IFNG-AS1: variants seen among roughly 807,000 people sequenced by gnomAD.
IFNG-AS1 encodes the protein IFNG antisense RNA 1 (non-protein coding).
chr12:67,993,887 A>G (rs1052003945), intron 1 of IFNG-AS1, among the ~76,000 whole-genome samples: 1 of 152,196 alleles, frequency 6.6e-6, no homozygotes, highest in African/African-American at 2.4e-5. Flanking sequence ...TTCCACATAT[A>G]TTTCTTAAAC....
At chr12:68,001,368 C>A in intron 2 of IFNG-AS1, 1 of 195,420 alleles carries the variant, frequency 5.1e-6, no homozygotes, top group South Asian at 1.0e-4. Context: ...CAGCATGAAT[C>A]TGAGTGCCAT....
chr12:68,006,032 C>G (rs1016162414), intron 2 of IFNG-AS1: 1 of 152,244 alleles, frequency 6.6e-6, no homozygotes, highest in Non-Finnish European at 1.5e-5. Flanking sequence ...CAAACTTAAT[C>G]CAGTAACCAT....
intron 3 of IFNG-AS1, among the ~76,000 whole-genome samples, chr12:68,012,969 A>C (rs1880067674): frequency 6.6e-6 from 1 of 152,214 alleles, no homozygotes; most frequent in African/African-American, 2.4e-5. Flanking sequence ...GAGAGAGGTT[A>C]AATAGCATGA....
intron 2 of IFNG-AS1, among the ~76,000 whole-genome samples, chr12:68,003,608 G>A (rs926322975): frequency 3.9e-5 from 6 of 152,096 alleles, no homozygotes; most frequent in East Asian, 1.9e-4. Flanking sequence ...CCTCCCTTGC[G>A]CTAAAGCTTA....
At chr12:67,990,133 C>G (rs988902955) in intron 1 of IFNG-AS1, among the ~76,000 whole-genome samples, 3 of 152,296 alleles carry the variant, frequency 2.0e-5, no homozygotes, top group Non-Finnish European at 4.4e-5. Flanking sequence ...TGCATAATTA[C>G]TGCTAACACT....
chr12:67,993,635 T>C (rs997747758), intron 1 of IFNG-AS1, among the ~76,000 whole-genome samples: 1 of 152,206 alleles, frequency 6.6e-6, no homozygotes, highest in Admixed American at 6.5e-5. Context: ...TTTCTGATTT[T>C]CCAATAGTTC....
intron 2 of IFNG-AS1, among the ~76,000 whole-genome samples, chr12:67,996,669 C>T (rs1033159591): frequency 6.6e-6 from 1 of 152,144 alleles, no homozygotes; most frequent in Non-Finnish European, 1.5e-5. Flanking sequence ...CAAATGGAAG[C>T]TAGCAGAAAA....
chr12:68,011,550 A>T (rs1880027909), intron 3 of IFNG-AS1, among the ~76,000 whole-genome samples: 1 of 152,232 alleles, frequency 6.6e-6, no homozygotes, highest in Admixed American at 6.5e-5. Context: ...TCTTGAGATG[A>T]TGTTCCAGCA....
intron 2 of IFNG-AS1, among the ~76,000 whole-genome samples, chr12:68,002,233 G>A (rs557306225): frequency 3.0e-4 from 46 of 152,304 alleles, no homozygotes; most frequent in African/African-American, 8.9e-4. Flanking sequence ...CTCCTAAACC[G>A]GCAAATGCAC....
intron 3 of IFNG-AS1, among the ~76,000 whole-genome samples, chr12:68,010,070 C>G (rs1375984637): frequency 6.6e-6 from 1 of 152,202 alleles, no homozygotes; most frequent in Non-Finnish European, 1.5e-5. Flanking sequence ...ATGTTTACCA[C>G]TACACCCAAG....
intron 1 of IFNG-AS1, among the ~76,000 whole-genome samples, chr12:67,991,406 A>G (rs1297269235): frequency 6.6e-6 from 1 of 152,096 alleles, no homozygotes; most frequent in Non-Finnish European, 1.5e-5. Context: ...GGCAGAACCT[A>G]AGAAGGTAGA....
At chr12:67,993,801 ACTTTC>A (rs1474868138) in intron 1 of IFNG-AS1, among the ~76,000 whole-genome samples, 1 of 152,148 alleles carries the variant, frequency 6.6e-6, no homozygotes, top group Non-Finnish European at 1.5e-5. Context: ...TTTTCTTTTG[ACTTTC>A]CTTTTATTTT....
chr12:68,002,995 G>C (rs1289645776), intron 2 of IFNG-AS1, among the ~76,000 whole-genome samples: 1 of 152,168 alleles, frequency 6.6e-6, no homozygotes, highest in Non-Finnish European at 1.5e-5. Context: ...TAAGGACTAA[G>C]AGCGTGTGTT....
chr12:68,008,954 A>G (rs1879966169), intron 3 of IFNG-AS1, among the ~76,000 whole-genome samples: 2 of 152,200 alleles, frequency 1.3e-5, no homozygotes, highest in Non-Finnish European at 2.9e-5. Context: ...ATGTGATTTT[A>G]TGTACAACTG....
intron 4 of IFNG-AS1, chr12:68,020,136 A>G (rs1334958354): frequency 6.6e-6 from 1 of 152,238 alleles, no homozygotes; most frequent in South Asian, 2.1e-4. Context: ...AGGGCCCTGA[A>G]GGTCACATGT....
chr12:68,003,205 G>A (rs1879813763), intron 2 of IFNG-AS1, among the ~76,000 whole-genome samples: 1 of 151,732 alleles, frequency 6.6e-6, no homozygotes, highest in Non-Finnish European at 1.5e-5. Context: ...GTCTTTTATT[G>A]TCAGATTTCA....
At chr12:67,991,833 G>A (rs751851387) in intron 1 of IFNG-AS1, among the ~76,000 whole-genome samples, 6 of 152,204 alleles carry the variant, frequency 3.9e-5, no homozygotes, top group Non-Finnish European at 7.3e-5. Context: ...TCTTAGCTCT[G>A]TGACCTTGAA....
intron 3 of IFNG-AS1, among the ~76,000 whole-genome samples, chr12:68,016,833 G>C (rs1439418275): frequency 6.6e-6 from 1 of 152,088 alleles, no homozygotes; most frequent in Non-Finnish European, 1.5e-5. Context: ...TATCCACTCT[G>C]TCTATCACTT....
intron 4 of IFNG-AS1, chr12:68,021,176 T>C (rs898590662): frequency 2.6e-5 from 4 of 152,198 alleles, no homozygotes; most frequent in Non-Finnish European, 4.4e-5. Context: ...AAATATTTTA[T>C]ATATACATAG....
Sources: gnomAD v4.1 joint callset for allele counts (sites outside exome capture counted in the v4.1 genomes callset) on GRCh38, gnomAD v4.1.1 for gene constraint, MANE v1.5 for transcripts, NCBI Gene and HGNC (gene_info 2026-07-23, HGNC 2026-07-21) for gene names.